Variants in CAMTA1 observed in about 807,000 individuals in gnomAD.
The protein encoded by CAMTA1 is calmodulin binding transcription activator 1.
A neutral mutation model predicts 170.9 loss-of-function variants in CAMTA1; 27 were observed. That is an observed-to-expected ratio of 0.16 (90% confidence interval 0.12 to 0.22). The LOEUF (loss-of-function observed/expected upper bound fraction) is 0.22, where lower values mean the gene tolerates loss of function less well. Among genes scored for constraint, CAMTA1 ranks in the 10% least tolerant of loss-of-function variants. CAMTA1 has a pLI of 1.00. For synonymous variants in CAMTA1, 833 were observed against 891.5 expected (o/e 0.93, Z 1.17); for missense variants, 1,619 against 2,217.2 (o/e 0.73, Z 5.42).
At chr1:7,214,273 GT>G (rs1659340671) in intron 4 of CAMTA1, among the ~76,000 whole-genome samples, 1 of 152,304 alleles carries the variant, frequency 6.6e-6, no homozygotes, top group South Asian at 2.1e-4. Flanking sequence ...AGCACCTGTT[GT>G]TTCCTGACTT....
chr1:7,441,925 A>G (rs1157474687), intron 5 of CAMTA1, among the ~76,000 whole-genome samples: 1 of 152,164 alleles, frequency 6.6e-6, no homozygotes, highest in African/African-American at 2.4e-5. Context: ...TCTGGGTGGA[A>G]TCAAGGTGCA....
chr1:7,142,499 C>A (rs574777278), intron 4 of CAMTA1, among the ~76,000 whole-genome samples: 2 of 152,210 alleles, frequency 1.3e-5, no homozygotes, highest in African/African-American at 2.4e-5. Context: ...AAACCTGTTA[C>A]AATGGGATCC....
chr1:7,384,905 C>T (rs557566985), intron 5 of CAMTA1, among the ~76,000 whole-genome samples: 5 of 152,188 alleles, frequency 3.3e-5, no homozygotes, highest in African/African-American at 1.2e-4. Flanking sequence ...GCGCCACTGC[C>T]CAGGGATGGT....
At chr1:7,161,654 A>G (rs1160589002) in intron 4 of CAMTA1, among the ~76,000 whole-genome samples, 2 of 152,166 alleles carry the variant, frequency 1.3e-5, no homozygotes, top group Non-Finnish European at 2.9e-5. Context: ...TTCTGTCATG[A>G]TTGTGAGGCC....
rs534399249 is a variant in CAMTA1, at chr1:7,547,800, C to A, written c.510+79899C>A. On this transcript the variant is annotated intron_variant, in intron 6 of 22. Transcript: ENST00000303635. The surrounding 1 kb of genome is among the most constrained non-coding windows in gnomAD (Gnocchi z 5.7). ...CCAACATAATCTCCCTGTACACAACCAGTCTCACATCTCTGCCACCCCATG... is the reference window on the plus strand; with the variant it reads ...CCAACATAATCTCCCTGTACACAACAAGTCTCACATCTCTGCCACCCCATG... Among the ~76,000 whole-genome samples the A allele has an allele frequency of 7.3e-4, 111 of 151,928 alleles. 1 individual carries two copies. Among genetic ancestry groups the A allele is most frequent in the African/African-American group, 2.6e-3 (109 of 41,442 alleles).
rs1641544797 is a variant in CAMTA1 at position 7,092,092 on chromosome 1, A to G, written c.302+721A>G. ...TCTAGAGCTTCGGAAATACATGGCCACTCTCTTCCAATTGCCGTAAGTTTT... is the reference window on the plus strand; with the variant it reads ...TCTAGAGCTTCGGAAATACATGGCCGCTCTCTTCCAATTGCCGTAAGTTTT... On this transcript the variant is annotated intron_variant, in intron 4 of 22. Transcript: ENST00000303635. The surrounding 1 kb of genome is among the most constrained non-coding windows in gnomAD (Gnocchi z 5.0). 6.6e-6 allele frequency among the ~76,000 whole-genome samples: 1 copy of G among 152,032 alleles called. No homozygotes were observed. Among genetic ancestry groups the G allele is most frequent in the South Asian group, 2.1e-4 (1 of 4,820 alleles).
chr1:6,792,773 C>T (rs1352930846), intron 1 of CAMTA1, among the ~76,000 whole-genome samples: 2 of 152,048 alleles, frequency 1.3e-5, no homozygotes, highest in Non-Finnish European at 2.9e-5. Context: ...TTAGCCAGGG[C>T]TTTCAAGTCA....
chr1:7,090,037 C>T (rs895136398), intron 3 of CAMTA1, among the ~76,000 whole-genome samples: 5 of 152,162 alleles, frequency 3.3e-5, no homozygotes, highest in Non-Finnish European at 7.3e-5. Context: ...CTTCTGCTTC[C>T]CAGGTTCTTT....
rs553339189 is a variant in CAMTA1 at position 6,934,660 on chromosome 1, C to A, written c.234+109450C>A. On this transcript the variant is annotated intron_variant, in intron 3 of 22. Coordinates refer to ENST00000303635, the MANE Select transcript of CAMTA1 (RefSeq NM_015215.4). The surrounding 1 kb of genome is among the most constrained non-coding windows in gnomAD (Gnocchi z 4.5). The stretch of plus-strand genomic sequence containing the variant: ...GCTGCCCGAGATCCCGGGGCAAATG[C>A]CTCCCCTCCCTTCACCACCACCCCC... Among the ~76,000 whole-genome samples, 6 of 152,234 alleles carry A rather than the reference C, an allele frequency of 3.9e-5. No individual in the cohort carries two copies. The South Asian group carries it at 1.2e-3, about 32-fold the overall frequency.
chr1:7,714,178 G>A (rs1055195095), intron 11 of CAMTA1, among the ~76,000 whole-genome samples: 2 of 152,222 alleles, frequency 1.3e-5, no homozygotes, highest in Non-Finnish European at 2.9e-5. Context: ...GAGACTTCTT[G>A]AAAAGTGAAG....
intron 6 of CAMTA1, among the ~76,000 whole-genome samples, chr1:7,494,132 C>A (rs1420318509): frequency 6.8e-6 from 1 of 147,380 alleles, no homozygotes; most frequent in South Asian, 2.1e-4. Flanking sequence ...GACTGCGATT[C>A]TTCTCCAGAT....
chr1:7,547,115 G>T lies in CAMTA1; in HGVS notation c.510+79214G>T, dbSNP rs1030215808. On this transcript the variant is annotated intron_variant, in intron 6 of 22. Transcript: ENST00000303635. The surrounding 1 kb of genome is among the most constrained non-coding windows in gnomAD (Gnocchi z 5.7). ...ATTTGGTTGGTGGACCTCCATTCAAGCTGGTTTCTGGGTCATTTGATATAA... is the reference window on the plus strand; with the variant it reads ...ATTTGGTTGGTGGACCTCCATTCAATCTGGTTTCTGGGTCATTTGATATAA... Among the ~76,000 whole-genome samples, 5 of 152,104 alleles carry T rather than the reference G, an allele frequency of 3.3e-5. No individual in the cohort carries two copies. The highest frequency in any genetic ancestry group is 6.6e-5 in the Admixed American group (1 of 15,266).
At chr1:6,801,177 G>A (rs2148202463) in intron 1 of CAMTA1, among the ~76,000 whole-genome samples, 1 of 152,296 alleles carries the variant, frequency 6.6e-6, no homozygotes, top group Non-Finnish European at 1.5e-5. Context: ...AGGCATTCTG[G>A]GAGGGAAGGA....
intron 4 of CAMTA1, among the ~76,000 whole-genome samples, chr1:7,134,077 C>T (rs1328844126): frequency 6.6e-6 from 1 of 152,066 alleles, no homozygotes; most frequent in South Asian, 2.1e-4. Context: ...TAGTCTGCAG[C>T]GTCAACTGTT....
intron 6 of CAMTA1, among the ~76,000 whole-genome samples, chr1:7,493,957 G>GCTC (rs2093783316): frequency 6.6e-6 from 1 of 152,098 alleles, no homozygotes; most frequent in East Asian, 1.9e-4. Context: ...GGCTCAGCAG[G>GCTC]CCACCCGCCG....
chr1:7,672,467 G>C (rs1362897983), intron 10 of CAMTA1, among the ~76,000 whole-genome samples: 1 of 152,034 alleles, frequency 6.6e-6, no homozygotes, highest in Non-Finnish European at 1.5e-5. Flanking sequence ...CTTTTGCCAG[G>C]CTGGAGTGCA....
At chr1:7,762,733 A>C (rs1038315817) in intron 22 of CAMTA1, among the ~76,000 whole-genome samples, 1 of 152,216 alleles carries the variant, frequency 6.6e-6, no homozygotes, top group Non-Finnish European at 1.5e-5. Flanking sequence ...ATTCTTACAC[A>C]CATTCTTTTC....
intron 5 of CAMTA1, among the ~76,000 whole-genome samples, chr1:7,373,075 G>A (rs1449916615): frequency 6.6e-6 from 1 of 152,214 alleles, no homozygotes; most frequent in Non-Finnish European, 1.5e-5. Flanking sequence ...GGAACCAGGG[G>A]AAGAAATGAA....
chr1:7,527,599 G>A (rs1008726605), intron 6 of CAMTA1, among the ~76,000 whole-genome samples: 1 of 152,230 alleles, frequency 6.6e-6, no homozygotes, highest in Non-Finnish European at 1.5e-5. Context: ...AGGTAGCAGG[G>A]AAACACAGCA....
Sources: allele counts gnomAD v4.1 joint callset (sites outside exome capture counted in the v4.1 genomes callset), GRCh38; gene constraint gnomAD v4.1.1; non-coding constraint Gnocchi (gnomAD v3.1); transcripts MANE v1.5; gene names NCBI Gene and HGNC (gene_info 2026-07-23, HGNC 2026-07-21).